Variants in FMN1 observed in about 807,000 individuals in gnomAD.
FMN1 encodes formin 1, also known as formin-1.
In FMN1, 110 loss-of-function variants were observed where a neutral mutation model predicts 132.4. The observed-to-expected ratio is 0.83, with a 90% confidence interval of 0.71 to 0.97. The LOEUF is 0.97. FMN1 is among the 50% of genes least tolerant of loss of function. The probability of loss-of-function intolerance (pLI) is 0.00; values close to 1 mark genes in which losing one functional copy is unlikely to be tolerated. For synonymous variants in FMN1, 722 were observed against 651.7 expected (o/e 1.11, Z -1.64); for missense variants, 1,792 against 1,705.3 (o/e 1.05, Z -0.90).
intron 4 of FMN1, among the ~76,000 whole-genome samples, chr15:33,140,521 A>G (rs1963966554): frequency 2.0e-5 from 3 of 152,232 alleles, no homozygotes; most frequent in African/African-American, 7.2e-5. Context: ...CACTACGATC[A>G]AGGCCACGTG....
At chr15:33,026,398 A>G (rs541436123) in intron 6 of FMN1, among the ~76,000 whole-genome samples, 1 of 135,958 alleles carries the variant, frequency 7.4e-6, no homozygotes, top group African/African-American at 2.9e-5. Flanking sequence ...ATTAGAGGAT[A>G]CGTCCAAATT....
chr15:32,787,553 C>T (rs1029798148), intron 19 of FMN1, among the ~76,000 whole-genome samples: 3 of 152,192 alleles, frequency 2.0e-5, no homozygotes, highest in Admixed American at 2.0e-4. Flanking sequence ...AGAATTTAGC[C>T]TTTAAAAGTT....
chr15:33,147,729 AT>A (rs1181347166), intron 4 of FMN1, among the ~76,000 whole-genome samples: 2 of 152,206 alleles, frequency 1.3e-5, no homozygotes, highest in Non-Finnish European at 2.9e-5. Flanking sequence ...ATACTCATTT[AT>A]TTTATACAGA....
chr15:32,953,926 A>G (rs1439984289), intron 9 of FMN1, among the ~76,000 whole-genome samples: 2 of 152,134 alleles, frequency 1.3e-5, no homozygotes, highest in African/African-American at 2.4e-5. Context: ...TCTTACACAC[A>G]CTCAGTTTAA....
At chr15:33,091,735 A>T (rs1416596197) in intron 4 of FMN1, among the ~76,000 whole-genome samples, 3 of 152,238 alleles carry the variant, frequency 2.0e-5, no homozygotes, top group Admixed American at 2.0e-4. Flanking sequence ...TCAGTCAAAA[A>T]TAAAGCACGT....
At chr15:32,917,173 T>C (rs1013375753) in intron 10 of FMN1, among the ~76,000 whole-genome samples, 1 of 152,098 alleles carries the variant, frequency 6.6e-6, no homozygotes, top group Non-Finnish European at 1.5e-5. Flanking sequence ...GAGAGGGGTG[T>C]GGAGCGTGGA....
intron 10 of FMN1, among the ~76,000 whole-genome samples, chr15:32,910,873 T>C (rs2060544988): frequency 6.6e-6 from 1 of 152,220 alleles, no homozygotes. Flanking sequence ...TTCTTCCCGA[T>C]GGTAATTGAA....
chr15:32,959,676 A>G (rs1185381416), intron 9 of FMN1, among the ~76,000 whole-genome samples: 2 of 152,210 alleles, frequency 1.3e-5, no homozygotes, highest in Non-Finnish European at 2.9e-5. Flanking sequence ...GAGAAACAAA[A>G]TAAATGTTAT....
chr15:33,067,942 A>C (rs527733875), intron 5 of FMN1: 1 of 1,537,912 alleles, frequency 6.5e-7, no homozygotes, highest in African/African-American at 1.4e-5. Flanking sequence ...CTGCGCTCTC[A>C]GTTTATCCAC....
chr15:32,884,650 C>T (rs543394159), intron 16 of FMN1, among the ~76,000 whole-genome samples: 1 of 152,194 alleles, frequency 6.6e-6, no homozygotes, highest in South Asian at 2.1e-4. Flanking sequence ...AGAGTTCCAG[C>T]CAGCAAGGAC....
At chr15:33,118,144 CA>C (rs1251684750) in intron 4 of FMN1, among the ~76,000 whole-genome samples, 2 of 152,188 alleles carry the variant, frequency 1.3e-5, no homozygotes, top group African/African-American at 2.4e-5. Context: ...CAATACACCA[CA>C]AAATGTAGTT....
chr15:32,951,844 G>A, intron 9 of FMN1, among the ~76,000 whole-genome samples: 1 of 152,180 alleles, frequency 6.6e-6, no homozygotes, highest in Non-Finnish European at 1.5e-5. Context: ...GGTTCAAGAA[G>A]CCCCTGCTGC....
intron 9 of FMN1, among the ~76,000 whole-genome samples, chr15:32,944,099 G>A (rs1414814322): frequency 3.3e-5 from 5 of 152,188 alleles, no homozygotes; most frequent in Non-Finnish European, 7.4e-5. Context: ...GTGCCAGAAG[G>A]GAGTGCCTGG....
At chr15:32,850,207 T>C (rs2058977407) in intron 17 of FMN1, among the ~76,000 whole-genome samples, 1 of 151,848 alleles carries the variant, frequency 6.6e-6, no homozygotes, top group Non-Finnish European at 1.5e-5. Flanking sequence ...GGTTACATTG[T>C]TCAGATTACT....
At chr15:33,009,282 T>C (rs1055733938) in intron 6 of FMN1, among the ~76,000 whole-genome samples, 2 of 152,188 alleles carry the variant, frequency 1.3e-5, no homozygotes, top group Non-Finnish European at 2.9e-5. Flanking sequence ...TCTGGTAGGG[T>C]GCCTGCTTCT....
chr15:32,841,273 G>GTA, intron 17 of FMN1, among the ~76,000 whole-genome samples: 1 of 152,286 alleles, frequency 6.6e-6, no homozygotes, highest in Admixed American at 6.5e-5. Context: ...TAATCTCAGA[G>GTA]TATATGTAGT....
intron 7 of FMN1, among the ~76,000 whole-genome samples, chr15:33,001,696 G>A (rs996876469): frequency 1.4e-4 from 7 of 48,402 alleles, no homozygotes; most frequent in Non-Finnish European, 1.2e-4. Context: ...CTCCCCTTCC[G>A]CCTCCCCCTT....
chr15:32,832,276 T>A (rs1274164031), intron 17 of FMN1, among the ~76,000 whole-genome samples: 2 of 152,210 alleles, frequency 1.3e-5, no homozygotes, highest in Admixed American at 1.3e-4. Flanking sequence ...TTTTGTTAAT[T>A]CTGAATTCCA....
intron 9 of FMN1, among the ~76,000 whole-genome samples, chr15:32,959,636 T>TAA (rs537468604): frequency 1.6e-4 from 24 of 152,198 alleles, no homozygotes; most frequent in South Asian, 2.1e-4. Flanking sequence ...TTAAAGAGTT[T>TAA]AAATGAAGTG....
Sources: allele counts gnomAD v4.1 joint callset (sites outside exome capture counted in the v4.1 genomes callset), GRCh38; gene constraint gnomAD v4.1.1; transcripts MANE v1.5; gene names NCBI Gene and HGNC (gene_info 2026-07-23, HGNC 2026-07-21).